Variants in PRDM10 observed in about 807,000 individuals in gnomAD.
The protein encoded by PRDM10 is PR domain zinc finger protein 10.
In PRDM10, 65 loss-of-function variants were observed where a neutral mutation model predicts 133.1. The observed-to-expected ratio is 0.49, with a 90% CI of 0.40 to 0.60. The LOEUF is 0.60. Ranked by LOEUF, PRDM10 falls within the 20% of genes least tolerant of loss-of-function variation. The probability of loss-of-function intolerance (pLI) is 0.00; values close to 1 mark genes in which losing one functional copy is unlikely to be tolerated. For synonymous variants in PRDM10, 582 were observed against 580.4 expected, an observed-to-expected ratio of 1.00 and a Z score of -0.04; for missense variants, 1,137 against 1,507.1, an observed-to-expected ratio of 0.75 and a Z score of 4.07.
At chr11:129,985,049 C>T (rs1938335405) in intron 1 of PRDM10, among the ~76,000 whole-genome samples, 1 of 152,230 alleles carries the variant, frequency 6.6e-6, no homozygotes, top group Admixed American at 6.5e-5. Flanking sequence ...TGGAAGGCCG[C>T]TGCAGGAGCA....
chr11:129,918,718 G>A lies in PRDM10; in HGVS notation c.2035C>T (p.Arg679Ter). The A allele has an allele frequency of 2.5e-6, 4 of 1,602,172 alleles. No individual in the cohort carries two copies. The highest frequency in any genetic ancestry group is 3.4e-6 in the Non-Finnish European group (4 of 1,173,222). Residue 679 changes from arginine to a stop codon, truncating the protein, a stop_gained and splice_region_variant, in exon 14 of 21, where the codon CGA becomes TGA. Transcript: ENST00000360871. LOFTEE classifies it high-confidence loss of function. The surrounding 1 kb of genome is among the most constrained non-coding windows in gnomAD (Gnocchi z 5.3). ...LCSTCGKQFK[R>*]KDKLREHMQR... Reference sequence around the variant, plus strand: ...ATGTGTTCCCGTAGTTTGTCTTTTCGCTATTTGGAGAGTATTTTTGAAAAC... The same window carrying A: ...ATGTGTTCCCGTAGTTTGTCTTTTCACTATTTGGAGAGTATTTTTGAAAAC...
chr11:129,943,504 G>A (rs1951282074), intron 6 of PRDM10, among the ~76,000 whole-genome samples: 1 of 152,182 alleles, frequency 6.6e-6, no homozygotes, highest in South Asian at 2.1e-4. Context: ...TTTTAAAGGG[G>A]TAATTAAGTT....
intron 19 of PRDM10, 90 bp from the exon 20 acceptor site, chr11:129,905,831 A>G: frequency 9.3e-7 from 1 of 1,071,108 alleles, no homozygotes; most frequent in Non-Finnish European, 1.4e-6. Context: ...CACAGTCCGC[A>G]CTGATTTGCT....
intron 1 of PRDM10, among the ~76,000 whole-genome samples, chr11:129,996,001 C>A (rs1343013307): frequency 2.6e-5 from 4 of 151,942 alleles, no homozygotes; most frequent in Non-Finnish European, 5.9e-5. Context: ...ACTTTACAAA[C>A]AACTTCAAGT....
At chr11:129,996,628 G>A (rs1939076829) in intron 1 of PRDM10, among the ~76,000 whole-genome samples, 1 of 152,126 alleles carries the variant, frequency 6.6e-6, no homozygotes. Flanking sequence ...ATAGGATTCT[G>A]GCGGGCAGAA....
At chr11:129,960,657 T>C (rs904886592) in intron 2 of PRDM10, among the ~76,000 whole-genome samples, 7 of 152,072 alleles carry the variant, frequency 4.6e-5, no homozygotes, top group Non-Finnish European at 1.0e-4. Context: ...ATTATGACAG[T>C]AAATTGCAGA....
Position 129,944,937 on chromosome 11 carries a change from G to C in PRDM10, c.596C>G (p.Pro199Arg), listed in dbSNP as rs1277977356. 1.2e-6 allele frequency: 2 copies of C among 1,613,720 alleles called. No individual in the cohort carries two copies. The highest frequency in any genetic ancestry group is 1.7e-6 in the Non-Finnish European group (2 of 1,179,970). Reference sequence around the variant, plus strand: ...GCTCGCCCTGGCCCGGGTGAGCACCGGCCGGTTGGGGATCGGGTGCAAGGG... The same window carrying C: ...GCTCGCCCTGGCCCGGGTGAGCACCCGCCGGTTGGGGATCGGGTGCAAGGG... ...HGPLHPIPNR[P>R]VLTRARASLP... The change falls in exon 6 of 21, where the codon CCG becomes CGG. Residue 199 changes from proline to arginine, a missense_variant. By Grantham distance (103) the Pro-to-Arg change is moderately radical. This residue lies in a region of PRDM10 where 635 missense variants were observed against 835.2 expected (regional missense o/e 0.76). Coordinates refer to ENST00000360871, the MANE Select transcript of PRDM10 (RefSeq NM_199437.2).
At chr11:130,001,933 G>A (rs988778876) in intron 1 of PRDM10, among the ~76,000 whole-genome samples, 4 of 151,148 alleles carry the variant, frequency 2.6e-5, no homozygotes, top group African/African-American at 7.3e-5. Context: ...GACCCGCAGG[G>A]GCCACCCCAC....
chr11:129,984,484 C>T (rs769537572), intron 1 of PRDM10, among the ~76,000 whole-genome samples: 1 of 152,186 alleles, frequency 6.6e-6, no homozygotes, highest in African/African-American at 2.4e-5. Context: ...TGCAGTCCAG[C>T]CCCACGGCCT....
intron 1 of PRDM10, among the ~76,000 whole-genome samples, chr11:129,978,652 C>T (rs1230585627): frequency 6.6e-6 from 1 of 152,198 alleles, no homozygotes; most frequent in African/African-American, 2.4e-5. Flanking sequence ...GTCCCTTTGC[C>T]CTGCCACTTC....
chr11:129,948,879 A>G (rs1236379835), intron 4 of PRDM10, among the ~76,000 whole-genome samples: 1 of 152,204 alleles, frequency 6.6e-6, no homozygotes, highest in Non-Finnish European at 1.5e-5. Flanking sequence ...CCCATCCTGA[A>G]CTTGCAGATA....
Position 129,912,085 on chromosome 11 carries a change from C to G in PRDM10, c.2982G>C (p.Gln994His). 1 of 1,604,652 alleles carries G rather than the reference C, an allele frequency of 6.2e-7. No homozygotes were observed. The highest frequency in any genetic ancestry group is 8.5e-7 in the Non-Finnish European group (1 of 1,175,604). Reference sequence around the variant, plus strand: ...CCAAATAGTCTGTGGAGCAGGGTACCTGGGCGGAGGACGGGGCCGAGGCGG... The same window carrying G: ...CCAAATAGTCTGTGGAGCAGGGTACGTGGGCGGAGGACGGGGCCGAGGCGG... ...EPTASAPSSA[Q>H]VSGQPLSPSA... Residue 994 changes from glutamine to histidine, a missense_variant and splice_region_variant, in exon 18 of 21, where the codon CAG becomes CAC. Gln to His is a conservative substitution (Grantham distance 24). This residue lies in a region of PRDM10 where 243 missense variants were observed against 259.2 expected (regional missense o/e 0.94). Transcript: ENST00000360871.
chr11:129,942,803 G>C (rs1951257773), intron 6 of PRDM10, among the ~76,000 whole-genome samples, 174 bp from the exon 7 acceptor site: 1 of 152,166 alleles, frequency 6.6e-6, no homozygotes, highest in Non-Finnish European at 1.5e-5. Context: ...AAAGGGAAAA[G>C]ATACTTTCTG....
intron 4 of PRDM10, among the ~76,000 whole-genome samples, chr11:129,951,759 G>A (rs1441070561): frequency 6.6e-6 from 1 of 152,094 alleles, no homozygotes; most frequent in African/African-American, 2.4e-5. Flanking sequence ...CTCAGTGTGT[G>A]GGGAGTCACA....
At chr11:129,941,895 T>C (rs1311625081) in intron 7 of PRDM10, among the ~76,000 whole-genome samples, 2 of 152,216 alleles carry the variant, frequency 1.3e-5, no homozygotes, top group African/African-American at 4.8e-5. Context: ...AACTCCATCA[T>C]AGGTAGAGGA....
intron 4 of PRDM10, chr11:129,948,251 T>G: frequency 2.7e-6 from 1 of 365,080 alleles, no homozygotes; most frequent in Non-Finnish European, 5.4e-6. Flanking sequence ...CTAGAATCCC[T>G]TTATGCAATC....
chr11:129,965,832 T>C (rs898947034), intron 1 of PRDM10, among the ~76,000 whole-genome samples: 2 of 152,180 alleles, frequency 1.3e-5, no homozygotes, highest in Non-Finnish European at 1.5e-5. Flanking sequence ...TTGTACAGTA[T>C]CTAAAGTGTG....
chr11:129,988,447 G>A (rs1938543946), intron 1 of PRDM10, among the ~76,000 whole-genome samples: 1 of 152,056 alleles, frequency 6.6e-6, no homozygotes, highest in Admixed American at 6.6e-5. Context: ...GCCCAGGCTG[G>A]TCTCGAACTC....
In PRDM10 at chr11:129,965,559, A is replaced by G. The variant is rs546739872; in HGVS notation, c.-118-4477T>C. 3.4e-4 allele frequency among the ~76,000 whole-genome samples: 52 copies of G among 152,268 alleles called. 1 individual carries two copies. In the South Asian group the frequency reaches 0.01, roughly 30 times the overall value. On this transcript the variant is annotated intron_variant, in intron 1 of 20. Coordinates refer to ENST00000360871, the MANE Select transcript of PRDM10 (RefSeq NM_199437.2). ...CACAGCTATACCTTGTCTAGAAAAC[A>G]GCAGCCATCTTCTGTCCTTTTCCCC...
Sources: allele counts gnomAD v4.1 joint callset (sites outside exome capture counted in the v4.1 genomes callset), GRCh38; gene constraint gnomAD v4.1.1; regional missense constraint gnomAD v4.1.1; non-coding constraint Gnocchi (gnomAD v3.1); transcripts MANE v1.5; gene names NCBI Gene and HGNC (gene_info 2026-07-23, HGNC 2026-07-21).